The following ARAP3 variants were observed in gnomAD, a reference collection of about 807,000 sequenced individuals.
The protein encoded by ARAP3 is arf-GAP with Rho-GAP domain, ANK repeat and PH domain-containing protein 3.
Under a neutral mutation model 169.2 loss-of-function variants are expected in ARAP3, and 82 were observed. The ratio of observed to expected loss-of-function variants is 0.48; its 90% CI spans 0.41 to 0.58. The LOEUF is 0.58. ARAP3 is among the 20% of genes least tolerant of loss of function. ARAP3 has a pLI of 0.00. For synonymous variants in ARAP3, 791 were observed against 800.3 expected (o/e 0.99, Z 0.20); for missense variants, 1,764 against 2,018.0 (o/e 0.87, Z 2.41).
intron 4 of ARAP3, among the ~76,000 whole-genome samples, chr5:141,677,871 G>A (rs933783104): frequency 7.9e-5 from 12 of 151,838 alleles, no homozygotes; most frequent in Non-Finnish European, 1.2e-4. Context: ...TGCAACCTCC[G>A]CCTCCCGGGT....
Position 141,659,434 on chromosome 5 carries a change from G to A in ARAP3, c.3310C>T (p.Leu1104Phe). Residue 1104 changes from leucine (L) to phenylalanine (F), a missense_variant, in exon 23 of 33, where the codon CTT (leucine) becomes TTT (phenylalanine). This residue lies in a region of ARAP3 where 1,112 missense variants were observed against 1,285.7 expected (regional missense o/e 0.86). Coordinates refer to ENST00000239440, the MANE Select transcript of ARAP3 (RefSeq NM_022481.6). Reference sequence around the variant, plus strand: ...TGCACGTCCTTCCAGGTGGTGATAAGACTGACCTCCAAGTCAATCTGAGCT... The same window carrying A: ...TGCACGTCCTTCCAGGTGGTGATAAAACTGACCTCCAAGTCAATCTGAGCT... The part of the protein sequence containing the change: ...QVAQIDLEVS[L>F]ITTWKDVQLS... 1 of 1,614,212 alleles carries A rather than the reference G, an allele frequency of 6.2e-7. No individual in the cohort carries two copies. Among genetic ancestry groups the A allele is most frequent in the Non-Finnish European group, 8.5e-7 (1 of 1,180,040 alleles).
Position 141,653,831 on chromosome 5 carries a change from C to A in ARAP3, c.*119G>T. ...GAAGCCTTTAGTCCAGTGCTCCTTC[C>A]ACAGCACCACACTGGATTCTGGAGT... On this transcript the variant is annotated 3_prime_UTR_variant, in exon 33 of 33. Coordinates refer to ENST00000239440, the MANE Select transcript of ARAP3 (RefSeq NM_022481.6). 7.1e-7 allele frequency: 1 copy of A among 1,404,830 alleles called. No homozygotes were observed. Among genetic ancestry groups the A allele is most frequent in the South Asian group, 1.6e-5 (1 of 64,046 alleles). 87.0% of individuals were successfully genotyped at this position (1,404,830 alleles called of 1,614,324 possible).
chr5:141,674,404 C>G (rs2099911876), intron 4 of ARAP3, among the ~76,000 whole-genome samples: 1 of 152,072 alleles, frequency 6.6e-6, no homozygotes, highest in African/African-American at 2.4e-5. Context: ...CATGTGCTGG[C>G]CACCACACCT....
intron 19 of ARAP3, 106 bp downstream of exon 19, chr5:141,664,816 T>C: frequency 3.0e-6 from 4 of 1,349,876 alleles, no homozygotes; most frequent in South Asian, 1.4e-5. Context: ...GCAAAGCTCT[T>C]CCAGGCTGTG....
At chr5:141,658,322 C>G in intron 25 of ARAP3, 43 bp downstream of exon 25, 1 of 1,572,264 alleles carries the variant, frequency 6.4e-7, no homozygotes. Context: ...ACCACACACA[C>G]GCATATACAC....
At chr5:141,655,835 C>T (rs376408770) in intron 30 of ARAP3, 34 bp downstream of exon 30, 15 of 1,613,944 alleles carry the variant, frequency 9.3e-6, no homozygotes, top group African/African-American at 1.3e-5. Flanking sequence ...AGGGGGACCA[C>T]AGACCCAGCC....
In ARAP3 at chr5:141,678,373, C is replaced by A. The variant is rs531331292; in HGVS notation, c.698+1172G>T. On this transcript the variant is annotated intron_variant, in intron 4 of 32. Transcript: ENST00000239440. ...TCCTGGATCCCTTTGGGCACACACC[C>A]GCCTTGAGGCCTCTGTTCCAATCAC... Among the ~76,000 whole-genome samples, 4 of 152,284 alleles carry A rather than the reference C, an allele frequency of 2.6e-5. No homozygotes were observed. The East Asian group carries it at 5.8e-4, about 22-fold the overall frequency.
chr5:141,657,152 C>T (rs1596475548), intron 25 of ARAP3, among the ~76,000 whole-genome samples: 1 of 152,206 alleles, frequency 6.6e-6, no homozygotes, highest in Non-Finnish European at 1.5e-5. Context: ...GGTAGTCAGG[C>T]AAGACCTTTC....
chr5:141,671,031 C>T lies in ARAP3; in HGVS notation c.1990+234G>A, dbSNP rs993690597. ...AGACTAGTCCTGACCTATGGGTCGG[C>T]CCTGTCAGGGGTGGACCAGCACTAG... On this transcript the variant is annotated intron_variant, in intron 13 of 32. Coordinates refer to ENST00000239440, the MANE Select transcript of ARAP3 (RefSeq NM_022481.6). The surrounding 1 kb of genome is among the most constrained non-coding windows in gnomAD (Gnocchi z 4.9). Among the ~76,000 whole-genome samples the T allele has an allele frequency of 2.6e-5, 4 of 152,216 alleles. No homozygotes were observed. The highest frequency in any genetic ancestry group is 4.8e-5 in the African/African-American group (2 of 41,446).
rs1344910733 is a variant in ARAP3, at chr5:141,673,136, G to A, written c.973-3C>T. The A allele has an allele frequency of 6.2e-7, 1 of 1,613,986 alleles. No individual in the cohort carries two copies. Among genetic ancestry groups the A allele is most frequent in the Non-Finnish European group, 8.5e-7 (1 of 1,179,996 alleles). On this transcript the variant is annotated splice_polypyrimidine_tract_variant and splice_region_variant and intron_variant, in intron 6 of 32. Transcript: ENST00000239440. Reference sequence around the variant, plus strand: ...ATCACACCCTTAGGGAAGGGGTCCTGGAGAGAGAGAGCTCAATGACCCATG... The same window carrying A: ...ATCACACCCTTAGGGAAGGGGTCCTAGAGAGAGAGAGCTCAATGACCCATG...
rs2099909317 is a variant in ARAP3 at position 141,656,775 on chromosome 5, A to C, written c.3598T>G (p.Ser1200Ala). The change falls in exon 26 of 33, where the codon TCA (serine) becomes GCA (alanine). Residue 1200 changes from serine (S) to alanine (A), a missense_variant. This residue lies in a region of ARAP3 where 1,112 missense variants were observed against 1,285.7 expected (regional missense o/e 0.86). Transcript: ENST00000239440. ...LQWCQLPEPCSASLLLKKVPL... is the reference protein window; with the variant it reads ...LQWCQLPEPCAASLLLKKVPL... ...ACTTTTTTCAAGAGCAGGGAAGCTG[A>C]GCAGGGCTCTGGGAGCTGGCACCAT... is the stretch of plus-strand genomic sequence containing the variant. 1 of 1,612,212 alleles carries C rather than the reference A, an allele frequency of 6.2e-7. No individual in the cohort carries two copies. The highest frequency in any genetic ancestry group is 1.3e-5 in the African/African-American group (1 of 74,896).
intron 16 of ARAP3, among the ~76,000 whole-genome samples, chr5:141,666,905 T>G (rs1596484698): frequency 1.3e-5 from 2 of 152,118 alleles, no homozygotes; most frequent in Non-Finnish European, 2.9e-5. Context: ...GACCCCTGTG[T>G]GGCAGCCTCA....
Position 141,661,801 on chromosome 5 carries a change from A to G in ARAP3, c.3014-12T>C. 1.2e-6 allele frequency: 2 copies of G among 1,613,848 alleles called. No individual in the cohort carries two copies. The highest frequency in any genetic ancestry group is 4.5e-5 in the East Asian group (2 of 44,864). Reference sequence around the variant, plus strand: ...CTTCTGGGGCAGCTCTGGGGATGGAATGGAGGAGGGTTGGGGAGGACCCGG... The same window carrying G: ...CTTCTGGGGCAGCTCTGGGGATGGAGTGGAGGAGGGTTGGGGAGGACCCGG... On this transcript the variant is annotated splice_polypyrimidine_tract_variant and intron_variant, in intron 20 of 32. Coordinates refer to ENST00000239440, the MANE Select transcript of ARAP3 (RefSeq NM_022481.6).
chr5:141,655,258 AC>A (rs1554222000), intron 32 of ARAP3, 103 bp downstream of exon 32: 9 of 1,109,408 alleles, frequency 8.1e-6, no homozygotes, highest in Non-Finnish European at 1.0e-5. Context: ...ACACACACAC[AC>A]CCCCTGATGG....
intron 4 of ARAP3, 151 bp from the exon 5 acceptor site, chr5:141,673,959 C>CTTT (rs10712701): frequency 3.1e-3 from 1,115 of 364,174 alleles, no homozygotes; most frequent in South Asian, 8.9e-3. Flanking sequence ...TTCTTTTCTT[C>CTTT]TTTTTTTTTT....
At chr5:141,666,039 CAAA>C (rs764552450) in intron 17 of ARAP3, among the ~76,000 whole-genome samples, 11 of 116,272 alleles carry the variant, frequency 9.5e-5, no homozygotes, top group African/African-American at 3.0e-4. Flanking sequence ...ACTCTGTCTC[CAAA>C]AAAAAAAAAA....
Position 141,673,779 on chromosome 5 carries a change from T to C in ARAP3, c.728A>G (p.Glu243Gly). The change falls in exon 5 of 33, where the codon GAG (glutamate) becomes GGG (glycine). Residue 243 changes from glutamate (E) to glycine (G), a missense_variant. Transcript: ENST00000239440. ...CTCAAGGCTGGCATAGCCAGCATCC[T>C]CCCGTGCCTCCAGATCCTGTCTGCT... ...RLSRQDLEAR[E>G]DAGYASLELP... is the part of the protein sequence containing the mutation. 1 of 1,614,116 alleles carries C rather than the reference T, an allele frequency of 6.2e-7. No individual in the cohort carries two copies. The highest frequency in any genetic ancestry group is 8.5e-7 in the Non-Finnish European group (1 of 1,180,018).
In ARAP3 at chr5:141,672,351, C is replaced by T. The variant is rs1177524996; in HGVS notation, c.1386-50G>A. The T allele has an allele frequency of 5.0e-6, 8 of 1,602,112 alleles. No individual in the cohort carries two copies. Among genetic ancestry groups the T allele is most frequent in the African/African-American group, 1.4e-5 (1 of 73,922 alleles). Reference sequence around the variant, plus strand: ...GGGCATGGACCTACCTGCCATGTCCCATCCCCCTGGCTCTTCCTGCAGGAG... The same window carrying T: ...GGGCATGGACCTACCTGCCATGTCCTATCCCCCTGGCTCTTCCTGCAGGAG... On this transcript the variant is annotated intron_variant, in intron 9 of 32. Transcript: ENST00000239440. This position sits in a 1 kb window ranked among gnomAD's most constrained non-coding sequence, Gnocchi z 4.9.
intron 16 of ARAP3, among the ~76,000 whole-genome samples, chr5:141,668,903 A>G (rs1464849849): frequency 1.1e-4 from 16 of 152,220 alleles, no homozygotes. Context: ...TGCAGGCTGC[A>G]CACGACTTTC....
Sources: allele counts gnomAD v4.1 joint callset (sites outside exome capture counted in the v4.1 genomes callset), GRCh38; gene constraint gnomAD v4.1.1; regional missense constraint gnomAD v4.1.1; non-coding constraint Gnocchi (gnomAD v3.1); transcripts MANE v1.5; gene names NCBI Gene and HGNC (gene_info 2026-07-23, HGNC 2026-07-21).